Variants in ACSM1 observed in about 807,000 individuals in gnomAD.
ACSM1 encodes the protein acyl-coenzyme A synthetase ACSM1, mitochondrial.
In ACSM1, 79 loss-of-function variants were observed where a neutral mutation model predicts 75.8. The ratio of observed to expected loss-of-function variants is 1.04; its 90% CI spans 0.87 to 1.26. The LOEUF is 1.26. ACSM1 is among the 50% of genes most tolerant of loss of function. ACSM1 has a pLI of 0.00. For missense variants in ACSM1, 676 were observed against 720.1 expected, an observed-to-expected ratio of 0.94 and a Z score of 0.70; for synonymous variants, 279 against 265.8, an observed-to-expected ratio of 1.05 and a Z score of -0.48.
chr16:20,630,743 A>T lies in ACSM1; in HGVS notation c.1300-3427T>A, dbSNP rs1279009466. ...ACACATTTTTCTCAAGTGCACATGG[A>T]ACATTCTCAAGGATGGACCATATAT... On this transcript the variant is annotated intron_variant, in intron 10 of 13. Transcript: ENST00000520010. 2.6e-5 allele frequency among the ~76,000 whole-genome samples: 4 copies of T among 152,232 alleles called. No homozygotes were observed. In the East Asian group the frequency reaches 7.7e-4, roughly 29 times the overall value.
At position 20,685,350 on chromosome 16, in the gene ACSM1, A is replaced by G; in HGVS notation, c.246T>C (p.Asp82=). ...TCTCTCTGAAGCTCCACTTTACTTC[A>G]TCCCCTTGGCCATTCACCCACCAAA... ...PAFWWVNGQG[D]EVKWSFREMG... is the part of the protein sequence containing the mutation. The change falls in exon 3 of 14, where the codon GAT becomes GAC. Residue 82 remains aspartate (D), a synonymous_variant. Coordinates refer to ENST00000520010, the MANE Select transcript of ACSM1 (RefSeq NM_001318890.3). The G allele has an allele frequency of 3.1e-6, 5 of 1,614,162 alleles. No individual in the cohort carries two copies. Among genetic ancestry groups the G allele is most frequent in the Non-Finnish European group, 4.2e-6 (5 of 1,180,032 alleles).
intron 2 of ACSM1, among the ~76,000 whole-genome samples, chr16:20,690,149 G>C (rs1481376240): frequency 6.6e-6 from 1 of 152,166 alleles, no homozygotes; most frequent in Admixed American, 6.5e-5. Flanking sequence ...TGTAGGCTTT[G>C]GATAGTAATA....
rs1294421084 is a variant in ACSM1 at position 20,630,246 on chromosome 16, C to T, written c.1300-2930G>A. 2.6e-5 allele frequency among the ~76,000 whole-genome samples: 4 copies of T among 151,766 alleles called. No individual in the cohort carries two copies. The East Asian group carries it at 5.8e-4, about 22-fold the overall frequency. ...GATTACAGGCGCATACCACCGTGCCCGGCTAATCTTTTTTATTTTTAGTAG... is the reference window on the plus strand; with the variant it reads ...GATTACAGGCGCATACCACCGTGCCTGGCTAATCTTTTTTATTTTTAGTAG... On this transcript the variant is annotated intron_variant, in intron 10 of 13. Transcript: ENST00000520010.
chr16:20,673,192 T>C (rs2020065001), intron 4 of ACSM1, among the ~76,000 whole-genome samples: 2 of 151,312 alleles, frequency 1.3e-5, no homozygotes, highest in Admixed American at 6.6e-5. Flanking sequence ...ATAAGATCTG[T>C]GGTTCCCTCA....
At chr16:20,636,458 T>G (rs1462386521) in intron 10 of ACSM1, among the ~76,000 whole-genome samples, 1 of 152,200 alleles carries the variant, frequency 6.6e-6, no homozygotes, top group Non-Finnish European at 1.5e-5. Flanking sequence ...ATGGTATTAT[T>G]TGAATCCAGT....
At chr16:20,643,089 T>C (rs1165244742) in intron 7 of ACSM1, among the ~76,000 whole-genome samples, 2 of 152,212 alleles carry the variant, frequency 1.3e-5, no homozygotes, top group African/African-American at 4.8e-5. Flanking sequence ...TTCCTCTCTG[T>C]TGACCCTTGG....
intron 7 of ACSM1, among the ~76,000 whole-genome samples, chr16:20,640,854 A>G (rs1159958692): frequency 6.6e-6 from 1 of 152,244 alleles, no homozygotes; most frequent in Non-Finnish European, 1.5e-5. Context: ...TCAGTGTAAC[A>G]AGAGGGAGAA....
chr16:20,669,494 T>C (rs1251502876), intron 6 of ACSM1, among the ~76,000 whole-genome samples: 1 of 147,488 alleles, frequency 6.8e-6, no homozygotes, highest in African/African-American at 2.6e-5. Flanking sequence ...CCCAGCTGCT[T>C]GGCCCTGGCA....
At chr16:20,673,468 T>G (rs2020082220) in intron 4 of ACSM1, among the ~76,000 whole-genome samples, 1 of 152,182 alleles carries the variant, frequency 6.6e-6, no homozygotes, top group Admixed American at 6.5e-5. Flanking sequence ...TGTTTGCCTT[T>G]TGGGGTTGAA....
chr16:20,692,954 A>C (rs747124027), intron 1 of ACSM1, among the ~76,000 whole-genome samples: 2 of 151,976 alleles, frequency 1.3e-5, no homozygotes, highest in Non-Finnish European at 2.9e-5. Flanking sequence ...GTGGATCATG[A>C]GGTCAGGAGT....
At chr16:20,627,102 C>T in intron 11 of ACSM1, 87 bp downstream of exon 11, 1 of 1,440,866 alleles carries the variant, frequency 6.9e-7, no homozygotes, top group Non-Finnish European at 9.1e-7. Context: ...TGAAATTTCA[C>T]CAATGCGTGA....
At chr16:20,668,906 C>A (rs1277047135) in intron 6 of ACSM1, among the ~76,000 whole-genome samples, 1 of 151,878 alleles carries the variant, frequency 6.6e-6, no homozygotes, top group Non-Finnish European at 1.5e-5. Flanking sequence ...GTAAAACTAG[C>A]GAAAAGTGAG....
chr16:20,688,745 C>T (rs1225977764), intron 2 of ACSM1, among the ~76,000 whole-genome samples: 1 of 151,924 alleles, frequency 6.6e-6, no homozygotes, highest in Non-Finnish European at 1.5e-5. Flanking sequence ...TATCCCTAGA[C>T]TTGCCCCTAC....
At position 20,636,799 on chromosome 16, in the gene ACSM1, T is replaced by G; in HGVS notation, c.1239A>C (p.Glu413Asp). ...GTTTGATTCTGATGCCAATGTTTCC[T>G]TCTGTGTTAGGTGGCAGGATGCTGC... is the stretch of plus-strand genomic sequence containing the variant. ...DKGSILPPNT[E>D]GNIGIRIKPV... is the part of the protein sequence containing the mutation. Residue 413 changes from glutamate (E) to aspartate (D), a missense_variant, in exon 10 of 14, where the codon GAA (glutamate) becomes GAC (aspartate). Physicochemically the swap from Glu to Asp is conservative, Grantham distance 45. Coordinates refer to ENST00000520010, the MANE Select transcript of ACSM1 (RefSeq NM_001318890.3). 2 of 1,614,056 alleles carry G rather than the reference T, an allele frequency of 1.2e-6. No individual in the cohort carries two copies. Among genetic ancestry groups the G allele is most frequent in the Non-Finnish European group, 1.7e-6 (2 of 1,179,990 alleles).
At chr16:20,633,928 T>A (rs1286861330) in intron 10 of ACSM1, among the ~76,000 whole-genome samples, 5 of 152,030 alleles carry the variant, frequency 3.3e-5, no homozygotes, top group African/African-American at 1.2e-4. Flanking sequence ...GAAATAAAAA[T>A]TTTTGAAAAA....
At chr16:20,646,440 G>T (rs1003071442) in intron 7 of ACSM1, among the ~76,000 whole-genome samples, 1 of 152,124 alleles carries the variant, frequency 6.6e-6, no homozygotes, top group African/African-American at 2.4e-5. Flanking sequence ...ACCCTCCCTA[G>T]GTATGCTTGA....
intron 7 of ACSM1, among the ~76,000 whole-genome samples, chr16:20,646,908 G>T (rs1408709181): frequency 6.6e-6 from 1 of 152,194 alleles, no homozygotes; most frequent in Non-Finnish European, 1.5e-5. Flanking sequence ...CCTGCCTAAA[G>T]ATAATTTTAT....
intron 11 of ACSM1, among the ~76,000 whole-genome samples, chr16:20,626,147 A>G (rs980712154): frequency 6.6e-6 from 1 of 152,026 alleles, no homozygotes; most frequent in Non-Finnish European, 1.5e-5. Context: ...GCACTGTGGG[A>G]GGCTGAAACA....
At chr16:20,630,023 A>C (rs1196462793) in intron 10 of ACSM1, among the ~76,000 whole-genome samples, 1 of 151,070 alleles carries the variant, frequency 6.6e-6, no homozygotes, top group East Asian at 1.9e-4. Context: ...AAATATGTTG[A>C]AAGTTAAAGG....
Sources: gnomAD v4.1 joint callset for allele counts (sites outside exome capture counted in the v4.1 genomes callset) on GRCh38, gnomAD v4.1.1 for gene constraint, MANE v1.5 for transcripts, NCBI Gene and HGNC (gene_info 2026-07-23, HGNC 2026-07-21) for gene names.